ARSB: variants seen among roughly 807,000 people sequenced by gnomAD.
The protein encoded by ARSB is arylsulfatase B.
A neutral mutation model predicts 50.9 loss-of-function variants in ARSB; 41 were observed. The observed-to-expected ratio is 0.81, with a 90% confidence interval of 0.63 to 1.04. The LOEUF (loss-of-function observed/expected upper bound fraction) is 1.04. Ranked by LOEUF, ARSB falls within the 50% of genes least tolerant of loss-of-function variation. ARSB has a pLI of 0.00. For synonymous variants in ARSB, 269 were observed against 284.8 expected, an observed-to-expected ratio of 0.94 and a Z score of 0.56; for missense variants, 672 against 693.3, an observed-to-expected ratio of 0.97 and a Z score of 0.35.
intron 4 of ARSB, among the ~76,000 whole-genome samples, chr5:78,906,932 C>T (rs1385262287): frequency 1.3e-5 from 2 of 152,058 alleles, no homozygotes; most frequent in African/African-American, 2.4e-5. Flanking sequence ...AAAAAGGAAA[C>T]AATTATTTGA....
At chr5:78,972,758 G>A (rs1172778737) in intron 1 of ARSB, among the ~76,000 whole-genome samples, 1 of 152,168 alleles carries the variant, frequency 6.6e-6, no homozygotes, top group Non-Finnish European at 1.5e-5. Flanking sequence ...CACATGCAGA[G>A]AATTAATTCT....
At chr5:78,972,922 C>T (rs767114599) in intron 1 of ARSB, among the ~76,000 whole-genome samples, 21 of 152,200 alleles carry the variant, frequency 1.4e-4, no homozygotes, top group Non-Finnish European at 2.6e-4. Flanking sequence ...ATTTATTTGA[C>T]AGAGCATTTT....
upstream of ARSB, chr5:78,985,313 G>A: frequency 8.2e-7 from 1 of 1,224,944 alleles, no homozygotes; most frequent in Non-Finnish European, 1.0e-6. Flanking sequence ...GATAGAATGA[G>A]GAACTGGGCT....
chr5:78,976,026 T>C (rs62377895), intron 1 of ARSB, among the ~76,000 whole-genome samples: 22,033 of 152,178 alleles, frequency 0.14, 1,950 homozygotes, highest in South Asian at 0.32. Flanking sequence ...TTAGAAAAGC[T>C]GGAGAATTTT....
intron 6 of ARSB, among the ~76,000 whole-genome samples, chr5:78,806,773 T>C (rs563647104): frequency 6.6e-6 from 1 of 152,334 alleles, no homozygotes; most frequent in East Asian, 1.9e-4. Context: ...GCCTCTGGAA[T>C]GTGATAAATA....
intron 4 of ARSB, among the ~76,000 whole-genome samples, chr5:78,951,973 T>C (rs1486812339): frequency 1.3e-5 from 2 of 152,084 alleles, no homozygotes; most frequent in Non-Finnish European, 2.9e-5. Context: ...AAATCCTAAA[T>C]GAAACCCTAG....
chr5:78,809,322 G>C (rs568096993), intron 6 of ARSB, among the ~76,000 whole-genome samples: 6 of 152,218 alleles, frequency 3.9e-5, no homozygotes, highest in Admixed American at 1.3e-4. Context: ...GATTTTACCA[G>C]GCACAGAAAG....
chr5:78,781,063 A>C (rs1748910084), intron 7 of ARSB, among the ~76,000 whole-genome samples: 1 of 152,234 alleles, frequency 6.6e-6, no homozygotes. Flanking sequence ...ATTACATCAC[A>C]GCCTTAACCA....
At chr5:78,807,782 C>T (rs16876279) in intron 6 of ARSB, among the ~76,000 whole-genome samples, 36,976 of 151,982 alleles carry the variant, frequency 0.24, 6,297 homozygotes, top group African/African-American at 0.48. Context: ...TACTGTTTCC[C>T]CTTAATCTCT....
intron 6 of ARSB, among the ~76,000 whole-genome samples, chr5:78,833,205 C>T (rs2112700348): frequency 6.6e-6 from 1 of 152,244 alleles, no homozygotes; most frequent in East Asian, 1.9e-4. Context: ...GACCTCTTGC[C>T]TACCCTGGGA....
At chr5:78,917,980 C>G (rs1439575165) in intron 4 of ARSB, among the ~76,000 whole-genome samples, 1 of 152,204 alleles carries the variant, frequency 6.6e-6, no homozygotes, top group Non-Finnish European at 1.5e-5. Context: ...CACTTCCTTA[C>G]GCTGGCTCAT....
In ARSB at chr5:78,820,950, C is replaced by A. The variant is rs1290527622; in HGVS notation, c.1213+18406G>T. 7.3e-5 allele frequency among the ~76,000 whole-genome samples: 11 copies of A among 150,552 alleles called. No homozygotes were observed. The Admixed American group carries it at 7.3e-4, about 10-fold the overall frequency. The stretch of plus-strand genomic sequence containing the variant: ...AAAAAGTATGTGGCAAAAAAAAAAC[C>A]CCACAACATTTTATATGATATTATC... On this transcript the variant is annotated intron_variant, in intron 6 of 7. Transcript: ENST00000264914.
chr5:78,841,131 T>TCTACTACTACTACTA (rs1745178108), intron 5 of ARSB, among the ~76,000 whole-genome samples: 1 of 84,208 alleles, frequency 1.2e-5, no homozygotes, highest in African/African-American at 4.9e-5. Flanking sequence ...AGACCTGGTC[T>TCTACTACTACTACTA]GTACTACTAC....
intron 5 of ARSB, among the ~76,000 whole-genome samples, chr5:78,854,113 A>G (rs1184567134): frequency 1.3e-5 from 2 of 152,184 alleles, no homozygotes; most frequent in African/African-American, 4.8e-5. Context: ...TGAATCCGGT[A>G]CCTCAGAGGG....
rs2112584052 is a variant in ARSB at position 78,985,236 on chromosome 5, C to G, written c.13G>C (p.Gly5Arg). The G allele has an allele frequency of 2.3e-6, 3 of 1,324,330 alleles. No homozygotes were observed. Among genetic ancestry groups the G allele is most frequent in the Non-Finnish European group, 2.9e-6 (3 of 1,043,790 alleles). The allele number at this position is 1,324,330 out of a possible 1,614,324, so 82.0% of individuals were successfully genotyped here. Residue 5 changes from glycine (G) to arginine (R), a missense_variant, in exon 1 of 8, where the codon GGC becomes CGC. Gly to Arg is a moderately radical substitution (Grantham distance 125). Transcript: ENST00000264914. MGPRGAASLPRGPGP... is the reference protein window; with the variant it reads MGPRRAASLPRGPGP... Reference sequence around the variant, plus strand: ...GGGCCTCGGGGCAAGCTCGCCGCGCCGCGCGGACCCATCCTTGTCCGCCCG... The same window carrying G: ...GGGCCTCGGGGCAAGCTCGCCGCGCGGCGCGGACCCATCCTTGTCCGCCCG...
chr5:78,830,934 C>A (rs1744643948), intron 6 of ARSB, among the ~76,000 whole-genome samples: 1 of 152,158 alleles, frequency 6.6e-6, no homozygotes, highest in African/African-American at 2.4e-5. Context: ...AAGAACCCAG[C>A]AGATTTCAGA....
At chr5:78,807,045 G>C (rs773508252) in intron 6 of ARSB, among the ~76,000 whole-genome samples, 1 of 152,224 alleles carries the variant, frequency 6.6e-6, no homozygotes. Flanking sequence ...GGAAATGGCT[G>C]AGGACAATAC....
chr5:78,959,429 T>C (rs764870271), intron 3 of ARSB, among the ~76,000 whole-genome samples: 30 of 151,706 alleles, frequency 2.0e-4, no homozygotes, highest in Non-Finnish European at 4.0e-4. Context: ...AATGGACTAA[T>C]ACAGTAAGAA....
chr5:78,982,382 T>A (rs538093114), intron 1 of ARSB, among the ~76,000 whole-genome samples: 73 of 152,384 alleles, frequency 4.8e-4, no homozygotes, highest in African/African-American at 1.7e-3. Flanking sequence ...AGAAATATGA[T>A]GGGTTGATTC....
Sources: gnomAD v4.1 joint callset for allele counts (sites outside exome capture counted in the v4.1 genomes callset) on GRCh38, gnomAD v4.1.1 for gene constraint, MANE v1.5 for transcripts, NCBI Gene and HGNC (gene_info 2026-07-23, HGNC 2026-07-21) for gene names.